The following CNTRL variants were observed in gnomAD, a reference collection of about 807,000 sequenced individuals.
CNTRL encodes 110 kDa centrosomal protein.
Under a neutral mutation model 303.7 loss-of-function variants are expected in CNTRL, and 233 were observed. That is an observed-to-expected ratio of 0.77 (90% CI 0.69 to 0.86). The LOEUF (loss-of-function observed/expected upper bound fraction) is 0.86. Ranked by LOEUF, CNTRL falls within the 40% of genes least tolerant of loss-of-function variation. CNTRL has a pLI of 0.00. For synonymous variants in CNTRL, 900 were observed against 922.2 expected (o/e 0.98, Z 0.44); for missense variants, 2,524 against 2,650.6 (o/e 0.95, Z 1.05).
intron 14 of CNTRL, among the ~76,000 whole-genome samples, chr9:121,134,583 C>G (rs2051075175): frequency 6.6e-6 from 1 of 152,234 alleles, no homozygotes; most frequent in African/African-American, 2.4e-5. Context: ...GCATGAGCCA[C>G]TGTACCCGGC....
chr9:121,093,844 A>G (rs1317716810), intron 4 of CNTRL, among the ~76,000 whole-genome samples: 1 of 152,174 alleles, frequency 6.6e-6, no homozygotes, highest in African/African-American at 2.4e-5. Context: ...TTGAATTTGC[A>G]AGGGCATTGG....
chr9:121,145,481 C>A, intron 22 of CNTRL, 96 bp downstream of exon 22: 2 of 1,210,836 alleles, frequency 1.7e-6, no homozygotes, highest in Non-Finnish European at 2.3e-6. Context: ...CAAATCAAGT[C>A]CATGCTTGAT....
intron 8 of CNTRL, among the ~76,000 whole-genome samples, chr9:121,109,879 G>A (rs75285624): frequency 2.0e-5 from 3 of 151,936 alleles, no homozygotes; most frequent in East Asian, 3.9e-4. Context: ...TGGCTATTTT[G>A]TATTTCCTCT....
At chr9:121,109,012 CTG>C (rs2049617822) in intron 8 of CNTRL, among the ~76,000 whole-genome samples, 1 of 152,100 alleles carries the variant, frequency 6.6e-6, no homozygotes, top group South Asian at 2.1e-4. Flanking sequence ...AGGAATGTTA[CTG>C]TATACAGTTA....
At chr9:121,148,455 C>G (rs1347350637) in intron 23 of CNTRL, among the ~76,000 whole-genome samples, 2 of 152,178 alleles carry the variant, frequency 1.3e-5, no homozygotes, top group African/African-American at 4.8e-5. Context: ...CCATGTCGAT[C>G]AAGTCCAGAG....
At chr9:121,130,809 C>T (rs899572689) in intron 14 of CNTRL, among the ~76,000 whole-genome samples, 2 of 152,172 alleles carry the variant, frequency 1.3e-5, no homozygotes, top group African/African-American at 4.8e-5. Context: ...TTAAATGTGT[C>T]CTAGAGATTC....
At chr9:121,160,830 T>C (rs2052811286) in intron 32 of CNTRL, among the ~76,000 whole-genome samples, 1 of 151,990 alleles carries the variant, frequency 6.6e-6, no homozygotes, top group Non-Finnish European at 1.5e-5. Flanking sequence ...TATTCAAAAA[T>C]TAGCGATGCA....
intron 1 of CNTRL, among the ~76,000 whole-genome samples, chr9:121,079,124 T>C (rs536553343): frequency 6.6e-6 from 1 of 152,108 alleles, no homozygotes; most frequent in Non-Finnish European, 1.5e-5. Context: ...ACACTTACGA[T>C]AGCAAAAGGG....
intron 1 of CNTRL, among the ~76,000 whole-genome samples, chr9:121,075,494 G>C (rs2047885142): frequency 6.6e-6 from 1 of 152,236 alleles, no homozygotes; most frequent in African/African-American, 2.4e-5. Flanking sequence ...GGAGTACAGT[G>C]CGTGGAGAAA....
chr9:121,113,745 A>G (rs754643567), intron 10 of CNTRL, 21 bp downstream of exon 10: 2 of 1,435,842 alleles, frequency 1.4e-6, no homozygotes, highest in African/African-American at 3.1e-5. Context: ...GTTATTTTAA[A>G]TTCTTTAAAA....
chr9:121,128,585 G>A lies in CNTRL; in HGVS notation c.2025+2649G>A, dbSNP rs2050673843. On this transcript the variant is annotated intron_variant, in intron 14 of 43. Transcript: ENST00000373855. ...GATTGCAAAAATTTTCTCCCATTCT[G>A]TAGGTTGCCTGTTCACTCTGATGGT... Among the ~76,000 whole-genome samples, 4 of 152,150 alleles carry A rather than the reference G, an allele frequency of 2.6e-5. No homozygotes were observed. In the South Asian group the frequency reaches 8.3e-4, roughly 31 times the overall value.
intron 15 of CNTRL, among the ~76,000 whole-genome samples, chr9:121,136,308 G>A (rs2051189647): frequency 6.6e-6 from 1 of 152,102 alleles, no homozygotes; most frequent in African/African-American, 2.4e-5. Flanking sequence ...TCTTAGAACA[G>A]GTTTAAGGAC....
Position 121,174,872 on chromosome 9 carries a change from C to T in CNTRL, c.6748-146C>T, listed in dbSNP as rs546845016. The T allele has an allele frequency of 3.5e-5, 25 of 723,740 alleles. No individual in the cohort carries two copies. In the African/African-American group the frequency reaches 3.8e-4, roughly 11 times the overall value. The allele number at this position is 723,740 out of a possible 1,614,324, so 44.8% of individuals were successfully genotyped here. A position where few individuals can be genotyped will look rare whatever the true frequency, so the allele number is the denominator to read the frequency against. ...CACACTAAGTATCCACCTGGCACCT[C>T]CTACAATTCTTTTTAAAGATGAGCA... On this transcript the variant is annotated intron_variant, in intron 42 of 43. Coordinates refer to ENST00000373855, the MANE Select transcript of CNTRL (RefSeq NM_007018.6).
At chr9:121,100,252 T>A (rs1386516924) in intron 7 of CNTRL, among the ~76,000 whole-genome samples, 1 of 152,210 alleles carries the variant, frequency 6.6e-6, no homozygotes, top group Non-Finnish European at 1.5e-5. Flanking sequence ...GGGGCCAATA[T>A]TCAACATTCT....
chr9:121,172,153 T>A (rs978107449), intron 40 of CNTRL, among the ~76,000 whole-genome samples: 2 of 152,162 alleles, frequency 1.3e-5, no homozygotes, highest in Non-Finnish European at 2.9e-5. Flanking sequence ...ATGCCCCACA[T>A]ATACCCACCA....
At chr9:121,105,323 G>C (rs1213826286) in intron 7 of CNTRL, among the ~76,000 whole-genome samples, 1 of 152,164 alleles carries the variant, frequency 6.6e-6, no homozygotes, top group Non-Finnish European at 1.5e-5. Flanking sequence ...CTAATGGATT[G>C]GATAATTCCC....
At chr9:121,141,038 T>C (rs1335436721) in intron 17 of CNTRL, among the ~76,000 whole-genome samples, 5 of 152,232 alleles carry the variant, frequency 3.3e-5, no homozygotes, top group Non-Finnish European at 7.3e-5. Flanking sequence ...AGAGTTATTG[T>C]TTCTTGAAAG....
intron 14 of CNTRL, among the ~76,000 whole-genome samples, chr9:121,133,627 C>T (rs576272459): frequency 6.6e-6 from 1 of 152,226 alleles, no homozygotes; most frequent in Non-Finnish European, 1.5e-5. Context: ...CGATGCCCTG[C>T]CCTGCTTCGG....
Position 121,090,277 on chromosome 9 carries a change from G to C in CNTRL, c.220G>C (p.Ala74Pro). Reference protein sequence around the residue: ...MLLDYQDHKGADSHAGVRYIT... With the variant: ...MLLDYQDHKGPDSHAGVRYIT... ...ATGATCTGTTTCTATAATTTCAGGAGCTGATTCACATGCAGGAGTTAGATA... is the reference window on the plus strand; with the variant it reads ...ATGATCTGTTTCTATAATTTCAGGACCTGATTCACATGCAGGAGTTAGATA... The change falls in exon 4 of 44, where the codon GCT becomes CCT. Residue 74 changes from alanine to proline, a missense_variant and splice_region_variant. Physicochemically the swap from Ala to Pro is conservative, Grantham distance 27. Transcript: ENST00000373855. 1 of 1,595,154 alleles carries C rather than the reference G, an allele frequency of 6.3e-7. No individual in the cohort carries two copies. The highest frequency in any genetic ancestry group is 8.5e-7 in the Non-Finnish European group (1 of 1,172,222).
Sources: allele counts gnomAD v4.1 joint callset (sites outside exome capture counted in the v4.1 genomes callset), GRCh38; gene constraint gnomAD v4.1.1; transcripts MANE v1.5; gene names NCBI Gene and HGNC (gene_info 2026-07-23, HGNC 2026-07-21).